TNFRSF13B: variants seen among roughly 807,000 people sequenced by gnomAD.
TNFRSF13B encodes TNF receptor superfamily member 13B.
In TNFRSF13B, 34 loss-of-function variants were observed where a neutral mutation model predicts 24.0. The observed-to-expected ratio is 1.41, with a 90% CI of 1.08 to 1.88. The LOEUF (loss-of-function observed/expected upper bound fraction) is 1.88. TNFRSF13B is among the 40% of genes most tolerant of loss of function. The probability of loss-of-function intolerance (pLI) is 0.00; values close to 1 mark genes in which losing one functional copy is unlikely to be tolerated. For missense variants in TNFRSF13B, 415 were observed against 380.8 expected (o/e 1.09, Z -0.75); for synonymous variants, 173 against 150.3 (o/e 1.15, Z -1.10).
chr17:16,947,898 G>A (rs530165657), intron 3 of TNFRSF13B, among the ~76,000 whole-genome samples: 3 of 152,270 alleles, frequency 2.0e-5, no homozygotes, highest in East Asian at 1.9e-4. Context: ...ACATACACAC[G>A]TATGTTCATC....
At chr17:16,960,660 T>C (rs1404694588) in intron 1 of TNFRSF13B, among the ~76,000 whole-genome samples, 1 of 152,074 alleles carries the variant, frequency 6.6e-6, no homozygotes, top group African/African-American at 2.4e-5. Flanking sequence ...GAAGAAAACA[T>C]AGGGGAAAAT....
intron 3 of TNFRSF13B, among the ~76,000 whole-genome samples, chr17:16,945,695 C>G (rs2087542932): frequency 6.6e-6 from 1 of 152,164 alleles, no homozygotes; most frequent in Admixed American, 6.5e-5. Context: ...GGCTCTTCAG[C>G]CCCTCTGTAT....
At chr17:16,962,418 A>C (rs185227995) in intron 1 of TNFRSF13B, among the ~76,000 whole-genome samples, 1 of 152,200 alleles carries the variant, frequency 6.6e-6, no homozygotes, top group South Asian at 2.1e-4. Flanking sequence ...GAGGCAGGAG[A>C]ATCACTTGAA....
chr17:16,970,512 G>T (rs1399148889), intron 1 of TNFRSF13B, among the ~76,000 whole-genome samples: 1 of 152,234 alleles, frequency 6.6e-6, no homozygotes, highest in African/African-American at 2.4e-5. Context: ...TTTTTTAACC[G>T]CAGGGCTTCT....
Position 16,939,279 on chromosome 17 carries a change from GCCTCTCTCCCTCTCTGCCTCTCTC to G in TNFRSF13B, c.*244_*267del. 2.2e-6 allele frequency: 1 copy of G among 449,206 alleles called. No homozygotes were observed. The highest frequency in any genetic ancestry group is 3.9e-6 in the Non-Finnish European group (1 of 253,414). The allele number at this position is 449,206 out of a possible 1,614,324, so 27.8% of individuals were successfully genotyped here. A position where few individuals can be genotyped will look rare whatever the true frequency, so the allele number is the denominator to read the frequency against. On this transcript the variant is annotated 3_prime_UTR_variant, in exon 5 of 5. Transcript: ENST00000261652. ...TCCCTCTCTCCCTCTCTGTCTCTCT[GCCTCTCTCCCTCTCTGCCTCTCTC>G]CCTCTCTGCCTCTCTCCTTCTCTGC...
chr17:16,944,883 C>T (rs938638269), intron 3 of TNFRSF13B, among the ~76,000 whole-genome samples: 5 of 152,258 alleles, frequency 3.3e-5, no homozygotes, highest in South Asian at 2.1e-4. Context: ...GCCCTTCCAC[C>T]GTGTGCAGCT....
intron 1 of TNFRSF13B, among the ~76,000 whole-genome samples, chr17:16,968,707 A>G (rs1189748136): frequency 6.6e-6 from 1 of 152,248 alleles, no homozygotes; most frequent in East Asian, 1.9e-4. Flanking sequence ...AATTGGACTT[A>G]ATCAAATGAA....
Position 16,943,703 on chromosome 17 carries a change from C to T in TNFRSF13B, c.446-3192G>A, listed in dbSNP as rs951024914. On this transcript the variant is annotated intron_variant, in intron 3 of 4. Coordinates refer to ENST00000261652, the MANE Select transcript of TNFRSF13B (RefSeq NM_012452.3). ...ATCTGGCATCTGGTCCCTCCTAGTGCCATCTCCAGCTGCCCCTGAATCCTT... is the reference window on the plus strand; with the variant it reads ...ATCTGGCATCTGGTCCCTCCTAGTGTCATCTCCAGCTGCCCCTGAATCCTT... Among the ~76,000 whole-genome samples, 7 of 152,184 alleles carry T rather than the reference C, an allele frequency of 4.6e-5. No individual in the cohort carries two copies. In the South Asian group the frequency reaches 8.3e-4, roughly 18 times the overall value.
At chr17:16,945,824 C>T (rs1315523091) in intron 3 of TNFRSF13B, among the ~76,000 whole-genome samples, 3 of 152,216 alleles carry the variant, frequency 2.0e-5, no homozygotes, top group African/African-American at 4.8e-5. Flanking sequence ...TTGCTCCTTC[C>T]ACCAAGAGGT....
intron 1 of TNFRSF13B, among the ~76,000 whole-genome samples, chr17:16,959,520 A>G (rs1567655006): frequency 6.6e-6 from 1 of 152,052 alleles, no homozygotes; most frequent in African/African-American, 2.4e-5. Context: ...AAAAAACAAT[A>G]GAGAAAATCA....
chr17:16,967,781 G>GAA (rs797020481), intron 1 of TNFRSF13B, among the ~76,000 whole-genome samples: 9 of 118,446 alleles, frequency 7.6e-5, no homozygotes, highest in African/African-American at 2.9e-4. Context: ...AAGAAAGAAA[G>GAA]AAAAAAAAAA....
intron 1 of TNFRSF13B, among the ~76,000 whole-genome samples, chr17:16,953,649 C>T (rs1435342597): frequency 6.6e-6 from 1 of 152,192 alleles, no homozygotes; most frequent in African/African-American, 2.4e-5. Context: ...TTTTGTGTTA[C>T]TGTGAATCTT....
In TNFRSF13B at chr17:16,939,382, T is replaced by C; in HGVS notation, c.*165A>G. 2 of 797,536 alleles carry C rather than the reference T, an allele frequency of 2.5e-6. No homozygotes were observed. The highest frequency in any genetic ancestry group is 1.9e-6 in the Non-Finnish European group (1 of 539,706). 49.4% of individuals were successfully genotyped at this position (797,536 alleles called of 1,614,324 possible). A position where few individuals can be genotyped will look rare whatever the true frequency, so the allele number is the denominator to read the frequency against. ...CTCTCTGCCTCTCTTCCCCTCTGTCTCTCTCTCCCTCTGTCTCTCTCTCCC... is the reference window on the plus strand; with the variant it reads ...CTCTCTGCCTCTCTTCCCCTCTGTCCCTCTCTCCCTCTGTCTCTCTCTCCC... On this transcript the variant is annotated 3_prime_UTR_variant, in exon 5 of 5. Transcript: ENST00000261652.
At chr17:16,945,670 T>A (rs1002694483) in intron 3 of TNFRSF13B, among the ~76,000 whole-genome samples, 3 of 152,172 alleles carry the variant, frequency 2.0e-5, no homozygotes, top group African/African-American at 4.8e-5. Context: ...GCATGGCCCC[T>A]CGCATCTGTG....
chr17:16,964,003 G>A (rs944908004), intron 1 of TNFRSF13B, among the ~76,000 whole-genome samples: 1 of 152,172 alleles, frequency 6.6e-6, no homozygotes, highest in Non-Finnish European at 1.5e-5. Flanking sequence ...CCTGAGGGAT[G>A]TGCATGGGAA....
chr17:16,951,304 G>A (rs1200600510), intron 2 of TNFRSF13B, among the ~76,000 whole-genome samples: 1 of 152,186 alleles, frequency 6.6e-6, no homozygotes, highest in Non-Finnish European at 1.5e-5. Flanking sequence ...TGGTTCCCCT[G>A]CCAGGGAGCT....
rs779176755 is a variant in TNFRSF13B, at chr17:16,972,046, A to G, written c.30T>C (p.Gly10=). The change falls in exon 1 of 5, where the codon GGT becomes GGC. Residue 10 remains glycine, a synonymous_variant. Coordinates refer to ENST00000261652, the MANE Select transcript of TNFRSF13B (RefSeq NM_012452.3). ...CCTCCTGGTCCACACGGCTCCGGCC[A>G]CCTCGCCTGCTCCGGCCCAGGCCAC... is the stretch of plus-strand genomic sequence containing the variant. MSGLGRSRR[G]GRSRVDQEER... 1 of 1,613,920 alleles carries G rather than the reference A, an allele frequency of 6.2e-7. No homozygotes were observed. The highest frequency in any genetic ancestry group is 8.5e-7 in the Non-Finnish European group (1 of 1,179,980).
chr17:16,956,084 A>T (rs2087622857), intron 1 of TNFRSF13B, among the ~76,000 whole-genome samples: 2 of 152,212 alleles, frequency 1.3e-5, no homozygotes, highest in Admixed American at 6.5e-5. Flanking sequence ...CTGGGAGCCA[A>T]GCACTTAAGG....
Position 16,948,903 on chromosome 17 carries a change from C to T in TNFRSF13B, c.280G>A (p.Gly94Arg), listed in dbSNP as rs200612226. 2.5e-6 allele frequency: 4 copies of T among 1,614,154 alleles called. No homozygotes were observed. Among genetic ancestry groups the T allele is most frequent in the East Asian group, 4.5e-5 (2 of 44,884 alleles). Reference protein sequence around the residue: ...RDCISCASICGQHPKQCAYFC... With the variant: ...RDCISCASICRQHPKQCAYFC... ...TATGCACATTGCTTAGGGTGCTGTCCACAGATGGAGGCACAGCTGATGCAG... is the reference window on the plus strand; with the variant it reads ...TATGCACATTGCTTAGGGTGCTGTCTACAGATGGAGGCACAGCTGATGCAG... Residue 94 changes from glycine (G) to arginine (R), a missense_variant, in exon 3 of 5, where the codon GGA (glycine) becomes AGA (arginine). By Grantham distance (125) the Gly-to-Arg change is moderately radical. Coordinates refer to ENST00000261652, the MANE Select transcript of TNFRSF13B (RefSeq NM_012452.3).
Sources: gnomAD v4.1 joint callset for allele counts (sites outside exome capture counted in the v4.1 genomes callset) on GRCh38, gnomAD v4.1.1 for gene constraint, MANE v1.5 for transcripts, NCBI Gene and HGNC (gene_info 2026-07-23, HGNC 2026-07-21) for gene names.